SEMA5A: variants seen among roughly 807,000 people sequenced by gnomAD.
SEMA5A encodes the protein semaphorin 5A.
A neutral mutation model predicts 135.5 loss-of-function variants in SEMA5A; 55 were observed. The observed-to-expected ratio is 0.41, with a 90% CI of 0.33 to 0.51. The LOEUF is 0.51. Ranked by LOEUF, SEMA5A falls within the 20% of genes least tolerant of loss-of-function variation. SEMA5A has a pLI of 0.37. For synonymous variants in SEMA5A, 580 were observed against 546.5 expected, an observed-to-expected ratio of 1.06 and a Z score of -0.85; for missense variants, 1,290 against 1,419.9, an observed-to-expected ratio of 0.91 and a Z score of 1.47.
chr5:9,520,298 C>T (rs771766445), intron 1 of SEMA5A, among the ~76,000 whole-genome samples: 1 of 152,202 alleles, frequency 6.6e-6, no homozygotes, highest in Non-Finnish European at 1.5e-5. Flanking sequence ...GACCCACACT[C>T]CACGGGAGGA....
chr5:9,502,701 C>A (rs1735660557), intron 1 of SEMA5A, among the ~76,000 whole-genome samples: 1 of 152,150 alleles, frequency 6.6e-6, no homozygotes, highest in Admixed American at 6.6e-5. Context: ...AGGCCTTTAG[C>A]ACTGCAGTCC....
rs545918965 is a variant in SEMA5A, at chr5:9,462,052, A to G, written c.-174-24200T>C. On this transcript the variant is annotated intron_variant, in intron 1 of 22. Coordinates refer to ENST00000382496, the MANE Select transcript of SEMA5A (RefSeq NM_003966.3). ...TGTTAGGATGGTGGCACTGCTATCTACAACCTTGGCTTAAAGACTTCAATC... is the reference window on the plus strand; with the variant it reads ...TGTTAGGATGGTGGCACTGCTATCTGCAACCTTGGCTTAAAGACTTCAATC... 3.9e-5 allele frequency among the ~76,000 whole-genome samples: 6 copies of G among 152,330 alleles called. No homozygotes were observed. The East Asian group carries it at 1.2e-3, about 29-fold the overall frequency.
At chr5:9,355,898 T>G (rs754129498) in intron 3 of SEMA5A, among the ~76,000 whole-genome samples, 48 of 152,314 alleles carry the variant, frequency 3.2e-4, no homozygotes, top group Non-Finnish European at 6.0e-4. Context: ...ATCTTATTCC[T>G]CTCTATCTAC....
chr5:9,250,212 A>T (rs1008293426), intron 5 of SEMA5A, among the ~76,000 whole-genome samples: 1 of 152,128 alleles, frequency 6.6e-6, no homozygotes, highest in Admixed American at 6.6e-5. Context: ...CAATAGGGAT[A>T]GAAGAAGGGA....
In SEMA5A at chr5:9,088,651, T is replaced by C. The variant is rs1179688882; in HGVS notation, c.2073+19489A>G. 3.0e-4 allele frequency among the ~76,000 whole-genome samples: 34 copies of C among 111,648 alleles called. 1 individual carries two copies. Among genetic ancestry groups the C allele is most frequent in the Non-Finnish European group, 5.9e-4 (32 of 53,914 alleles). The allele number at this position is 111,648 out of a possible 152,430, so 73.2% of individuals were successfully genotyped here. On this transcript the variant is annotated intron_variant, in intron 16 of 22. Coordinates refer to ENST00000382496, the MANE Select transcript of SEMA5A (RefSeq NM_003966.3). The stretch of plus-strand genomic sequence containing the variant: ...CCTACATTTATAATATATATATATA[T>C]ATATATATACACACACACACTCATG...
At chr5:9,065,501 T>C (rs758076482) in intron 17 of SEMA5A, among the ~76,000 whole-genome samples, 1 of 152,234 alleles carries the variant, frequency 6.6e-6, no homozygotes, top group Non-Finnish European at 1.5e-5. Flanking sequence ...TCTCTGTAAA[T>C]GGTGGCTGTC....
chr5:9,273,755 T>A (rs908280311), intron 5 of SEMA5A, among the ~76,000 whole-genome samples: 1 of 151,980 alleles, frequency 6.6e-6, no homozygotes, highest in Non-Finnish European at 1.5e-5. Context: ...CATAAGTGAA[T>A]GAGAAATAAA....
At chr5:9,077,736 G>C in intron 16 of SEMA5A, among the ~76,000 whole-genome samples, 1 of 152,148 alleles carries the variant, frequency 6.6e-6, no homozygotes, top group Admixed American at 6.5e-5. Context: ...GCTCGAAGTG[G>C]GGAGTAACTG....
chr5:9,258,460 G>A (rs776743723), intron 5 of SEMA5A, among the ~76,000 whole-genome samples: 17 of 152,254 alleles, frequency 1.1e-4, no homozygotes, highest in East Asian at 3.9e-4. Context: ...TTCTCCACTC[G>A]CAGGCTCAAA....
intron 2 of SEMA5A, among the ~76,000 whole-genome samples, chr5:9,404,497 T>C (rs941052244): frequency 6.6e-6 from 1 of 152,246 alleles, no homozygotes; most frequent in African/African-American, 2.4e-5. Context: ...AATCTTCTAA[T>C]ACCAGTAATA....
chr5:9,218,992 T>C (rs1294437723), intron 8 of SEMA5A, among the ~76,000 whole-genome samples: 1 of 152,220 alleles, frequency 6.6e-6, no homozygotes, highest in Non-Finnish European at 1.5e-5. Flanking sequence ...CTAATACTTA[T>C]CATCTTCGTT....
intron 2 of SEMA5A, among the ~76,000 whole-genome samples, chr5:9,411,215 T>C (rs536896655): frequency 6.6e-6 from 1 of 152,348 alleles, no homozygotes; most frequent in Non-Finnish European, 1.5e-5. Context: ...TGCCACTGGT[T>C]ATCTGTAGAG....
intron 1 of SEMA5A, among the ~76,000 whole-genome samples, chr5:9,502,201 T>A (rs925656944): frequency 6.6e-6 from 1 of 152,184 alleles, no homozygotes; most frequent in Non-Finnish European, 1.5e-5. Flanking sequence ...GTGTTCAGCA[T>A]GGTTATTTCT....
intron 13 of SEMA5A, among the ~76,000 whole-genome samples, chr5:9,125,192 T>C (rs1741038795): frequency 1.3e-5 from 2 of 152,168 alleles, no homozygotes; most frequent in African/African-American, 4.8e-5. Flanking sequence ...ATCCCTCCTT[T>C]CTAACCAACC....
chr5:9,401,037 A>G (rs9885414), intron 2 of SEMA5A, among the ~76,000 whole-genome samples: 6,190 of 152,210 alleles, frequency 0.041, 168 homozygotes, highest in Middle Eastern at 0.089. Context: ...GTACCCTTAG[A>G]CAACCCTGAG....
intron 5 of SEMA5A, among the ~76,000 whole-genome samples, chr5:9,258,193 T>C (rs1749184653): frequency 6.6e-6 from 1 of 152,208 alleles, no homozygotes; most frequent in Non-Finnish European, 1.5e-5. Context: ...AGCCTTACCA[T>C]CGCCCCTTCA....
At chr5:9,507,867 G>A (rs913046170) in intron 1 of SEMA5A, among the ~76,000 whole-genome samples, 2 of 152,062 alleles carry the variant, frequency 1.3e-5, no homozygotes, top group South Asian at 2.1e-4. Context: ...AGCCGGGCAT[G>A]GTGGCGGGCG....
chr5:9,066,167 G>GTA (rs1737451659), intron 17 of SEMA5A, among the ~76,000 whole-genome samples: 2 of 152,054 alleles, frequency 1.3e-5, no homozygotes, highest in African/African-American at 2.4e-5. Flanking sequence ...AATGATTCTG[G>GTA]GTCTATAATA....
chr5:9,241,565 CA>C (rs3061561), intron 5 of SEMA5A, among the ~76,000 whole-genome samples: 19,314 of 111,730 alleles, frequency 0.17, 1,306 homozygotes, highest in South Asian at 0.3. Flanking sequence ...AAGAGAGCTA[CA>C]AAAAAAAAAA....
Sources: gnomAD v4.1 joint callset for allele counts (sites outside exome capture counted in the v4.1 genomes callset) on GRCh38, gnomAD v4.1.1 for gene constraint, MANE v1.5 for transcripts, NCBI Gene and HGNC (gene_info 2026-07-23, HGNC 2026-07-21) for gene names.